Variants in ELP4 observed in about 807,000 individuals in gnomAD.
ELP4 encodes the protein elongator acetyltransferase complex subunit 4.
A neutral mutation model predicts 48.9 loss-of-function variants in ELP4; 51 were observed. The ratio of observed to expected loss-of-function variants is 1.04; its 90% CI spans 0.83 to 1.32. The LOEUF (loss-of-function observed/expected upper bound fraction) is 1.32, where lower values mean the gene tolerates loss of function less well. Among genes scored for constraint, ELP4 ranks in the 40% most tolerant of loss-of-function variants. The pLI is 0.00. For synonymous variants in ELP4, 210 were observed against 189.2 expected (o/e 1.11, Z -0.90); for missense variants, 519 against 514.6 (o/e 1.01, Z -0.08).
intron 5 of ELP4, among the ~76,000 whole-genome samples, chr11:31,608,803 C>T (rs996140345): frequency 3.3e-5 from 5 of 152,036 alleles, no homozygotes; most frequent in Admixed American, 2.6e-4. Flanking sequence ...CGATGTGAGA[C>T]GAGACCTGGG....
In ELP4 at chr11:31,702,345, T is replaced by G. The variant is rs186818260; in HGVS notation, c.1143+52124T>G. 3.8e-4 allele frequency among the ~76,000 whole-genome samples: 58 copies of G among 151,458 alleles called. No homozygotes were observed. In the East Asian group the frequency reaches 0.011, roughly 29 times the overall value. ...ACAATAACAATAATAATAATAATAA[T>G]AACAATAATAATTAGGCTTGAATTA... On this transcript the variant is annotated intron_variant, in intron 9 of 9. Coordinates refer to ENST00000640961, the MANE Select transcript of ELP4 (RefSeq NM_019040.5).
intron 9 of ELP4, among the ~76,000 whole-genome samples, chr11:31,686,427 T>C (rs1213730887): frequency 6.6e-6 from 1 of 151,958 alleles, no homozygotes; most frequent in African/African-American, 2.4e-5. Flanking sequence ...GACTATTTTA[T>C]TAAAACTTCA....
intron 4 of ELP4, chr11:31,599,488 C>G (rs1201471236): frequency 1.1e-4 from 2 of 17,548 alleles, no homozygotes; most frequent in South Asian, 0.017. Flanking sequence ...TTAATACACA[C>G]ACACACACAC....
chr11:31,693,061 C>A (rs1369480739), intron 9 of ELP4, among the ~76,000 whole-genome samples: 2 of 152,060 alleles, frequency 1.3e-5, no homozygotes, highest in East Asian at 3.9e-4. Flanking sequence ...TGGCTCGTGC[C>A]CCATGTTTAT....
intron 9 of ELP4, among the ~76,000 whole-genome samples, chr11:31,655,212 G>A (rs1945405400): frequency 6.6e-6 from 1 of 151,716 alleles, no homozygotes; most frequent in Non-Finnish European, 1.5e-5. Context: ...CATTACATAG[G>A]TTTCAAAGAA....
chr11:31,532,945 A>AT (rs1565038721), intron 2 of ELP4, among the ~76,000 whole-genome samples: 1 of 150,780 alleles, frequency 6.6e-6, no homozygotes, highest in Non-Finnish European at 1.5e-5. Context: ...CTAATTTTGT[A>AT]TTTTTTTAGT....
intron 9 of ELP4, among the ~76,000 whole-genome samples, chr11:31,678,689 G>A (rs1251904182): frequency 6.6e-6 from 1 of 151,978 alleles, no homozygotes; most frequent in African/African-American, 2.4e-5. Flanking sequence ...TCCAAGTTTT[G>A]GCAATTATGA....
intron 9 of ELP4, among the ~76,000 whole-genome samples, chr11:31,707,572 A>G (rs1946660169): frequency 6.6e-6 from 1 of 152,056 alleles, no homozygotes; most frequent in Non-Finnish European, 1.5e-5. Flanking sequence ...TTTTCTTTAA[A>G]TTATACAAGT....
intron 3 of ELP4, among the ~76,000 whole-genome samples, chr11:31,576,276 C>T (rs1398677301): frequency 1.3e-5 from 2 of 152,144 alleles, no homozygotes; most frequent in Non-Finnish European, 1.5e-5. Flanking sequence ...TGCAGGAGCA[C>T]CCAGATTCAT....
chr11:31,704,634 A>G (rs1212828409), intron 9 of ELP4, among the ~76,000 whole-genome samples: 3 of 152,158 alleles, frequency 2.0e-5, no homozygotes, highest in Non-Finnish European at 4.4e-5. Flanking sequence ...CTTAAAGTAT[A>G]ATAAAAATAA....
At chr11:31,743,516 A>G (rs1017565919) in intron 9 of ELP4, among the ~76,000 whole-genome samples, 1 of 152,206 alleles carries the variant, frequency 6.6e-6, no homozygotes, top group Non-Finnish European at 1.5e-5. Flanking sequence ...TCCTTAGCAA[A>G]TGTAAAAGAA....
At chr11:31,745,218 C>G (rs969258203) in intron 9 of ELP4, among the ~76,000 whole-genome samples, 1 of 152,126 alleles carries the variant, frequency 6.6e-6, no homozygotes, top group African/African-American at 2.4e-5. Context: ...GAACTACAAA[C>G]CACTGCTCAA....
intron 7 of ELP4, among the ~76,000 whole-genome samples, chr11:31,636,307 GA>G (rs1381562502): frequency 1.3e-5 from 2 of 151,908 alleles, no homozygotes; most frequent in African/African-American, 4.8e-5. Flanking sequence ...GGATATCCTT[GA>G]AAATTTTATC....
chr11:31,691,586 T>G (rs1394269782), intron 9 of ELP4, among the ~76,000 whole-genome samples: 1 of 152,104 alleles, frequency 6.6e-6, no homozygotes, highest in Non-Finnish European at 1.5e-5. Flanking sequence ...TCTTCAAGCT[T>G]AAAAAAATAA....
intron 9 of ELP4, among the ~76,000 whole-genome samples, chr11:31,683,989 C>T (rs916536692): frequency 1.3e-5 from 2 of 152,100 alleles, no homozygotes; most frequent in African/African-American, 2.4e-5. Context: ...ATATTTAATG[C>T]ATGAGGCTAG....
At chr11:31,711,295 T>C (rs950048584) in intron 9 of ELP4, among the ~76,000 whole-genome samples, 1 of 152,154 alleles carries the variant, frequency 6.6e-6, no homozygotes, top group Non-Finnish European at 1.5e-5. Flanking sequence ...AGTGCCCTTA[T>C]AACAAATCAT....
intron 3 of ELP4, among the ~76,000 whole-genome samples, chr11:31,547,733 C>T (rs1403913260): frequency 6.6e-6 from 1 of 152,122 alleles, no homozygotes; most frequent in Non-Finnish European, 1.5e-5. Flanking sequence ...TGCAAAAATC[C>T]TCAATAAAAT....
At chr11:31,765,434 A>G (rs1948022592) in intron 9 of ELP4, among the ~76,000 whole-genome samples, 1 of 152,180 alleles carries the variant, frequency 6.6e-6, no homozygotes, top group Admixed American at 6.5e-5. Context: ...CATTTTTTAT[A>G]AGTTAAACAG....
At chr11:31,716,931 A>C (rs1268774294) in intron 9 of ELP4, among the ~76,000 whole-genome samples, 2 of 152,248 alleles carry the variant, frequency 1.3e-5, no homozygotes, top group African/African-American at 4.8e-5. Flanking sequence ...TAGAAAAAGT[A>C]GGACTTGAAC....
Sources: gnomAD v4.1 joint callset for allele counts (sites outside exome capture counted in the v4.1 genomes callset) on GRCh38, gnomAD v4.1.1 for gene constraint, MANE v1.5 for transcripts, NCBI Gene and HGNC (gene_info 2026-07-23, HGNC 2026-07-21) for gene names.